The following AKNAD1 variants were observed in gnomAD, a reference collection of about 807,000 sequenced individuals.
AKNAD1 encodes the protein protein AKNAD1.
AKNAD1 carries 67 observed loss-of-function variants against 90.8 expected under a neutral mutation model. The ratio of observed to expected loss-of-function variants is 0.74; its 90% confidence interval spans 0.61 to 0.90. The LOEUF is 0.90. Ranked by LOEUF, AKNAD1 falls within the 40% of genes least tolerant of loss-of-function variation. AKNAD1 has a pLI of 0.00. For synonymous variants in AKNAD1, 327 were observed against 341.4 expected (o/e 0.96, Z 0.46); for missense variants, 957 against 975.4 (o/e 0.98, Z 0.25).
chr1:108,853,433 A>ATT (rs955252431), intron 1 of AKNAD1, among the ~76,000 whole-genome samples: 1 of 146,088 alleles, frequency 6.8e-6, no homozygotes, highest in Non-Finnish European at 1.5e-5. Flanking sequence ...GCCCGGCCTG[A>ATT]TTTTTTTTTT....
intron 13 of AKNAD1, among the ~76,000 whole-genome samples, chr1:108,822,135 T>C (rs1013491503): frequency 7.9e-5 from 12 of 152,028 alleles, no homozygotes; most frequent in African/African-American, 2.9e-4. Context: ...AACTCAGAGT[T>C]AGAAAGCACC....
intron 7 of AKNAD1, 78 bp downstream of exon 7, chr1:108,837,472 A>C (rs1399502516): frequency 1.5e-6 from 2 of 1,319,834 alleles, no homozygotes; most frequent in East Asian, 4.7e-5. Flanking sequence ...AATTCAGTGA[A>C]TCCATGAATT....
chr1:108,848,441 G>A (rs1186986961), intron 5 of AKNAD1, among the ~76,000 whole-genome samples: 1 of 152,104 alleles, frequency 6.6e-6, no homozygotes, highest in Admixed American at 6.5e-5. Context: ...ATCAACTGCG[G>A]ACAGGCCCAC....
intron 7 of AKNAD1, chr1:108,837,279 T>G (rs1664414950): frequency 3.2e-6 from 1 of 315,470 alleles, no homozygotes; most frequent in Admixed American, 4.5e-5. Context: ...TCTTATTAAT[T>G]TGGAAGAAAT....
intron 14 of AKNAD1, among the ~76,000 whole-genome samples, chr1:108,818,054 G>A (rs1663678435): frequency 6.6e-6 from 1 of 152,164 alleles, no homozygotes; most frequent in South Asian, 2.1e-4. Context: ...AGGGCCACTG[G>A]GCTGTTAAGG....
chr1:108,837,960 T>C (rs543667131), intron 6 of AKNAD1, among the ~76,000 whole-genome samples: 4 of 152,332 alleles, frequency 2.6e-5, no homozygotes, highest in South Asian at 2.1e-4. Flanking sequence ...GTCTCACTTA[T>C]AACCTGGGAT....
At chr1:108,841,109 G>T (rs1365829579) in intron 6 of AKNAD1, among the ~76,000 whole-genome samples, 3 of 152,018 alleles carry the variant, frequency 2.0e-5, no homozygotes, top group Admixed American at 6.6e-5. Context: ...GGAGGTGGAG[G>T]TTGCAGTGAG....
chr1:108,819,327 T>G (rs905542793), intron 14 of AKNAD1, among the ~76,000 whole-genome samples: 11 of 151,990 alleles, frequency 7.2e-5, no homozygotes, highest in Non-Finnish European at 1.3e-4. Flanking sequence ...TTAAAAAACT[T>G]AATTGGGTGG....
intron 13 of AKNAD1, among the ~76,000 whole-genome samples, 174 bp from the exon 14 acceptor site, chr1:108,820,800 G>A (rs1027387087): frequency 4.6e-5 from 7 of 152,138 alleles, no homozygotes; most frequent in African/African-American, 9.7e-5. Context: ...GGTGGCTCAC[G>A]CCTGTAATCC....
At chr1:108,847,583 C>T (rs1476559861) in intron 5 of AKNAD1, among the ~76,000 whole-genome samples, 1 of 152,054 alleles carries the variant, frequency 6.6e-6, no homozygotes, top group Non-Finnish European at 1.5e-5. Context: ...CCACGTGCTC[C>T]CAAGTGCTGT....
chr1:108,830,043 G>C (rs1664135839), intron 10 of AKNAD1, among the ~76,000 whole-genome samples: 1 of 152,140 alleles, frequency 6.6e-6, no homozygotes, highest in Non-Finnish European at 1.5e-5. Context: ...CTGAGAAGAG[G>C]GATGAGGCTT....
At chr1:108,852,888 G>GTT in intron 1 of AKNAD1, 121 bp from the exon 2 acceptor site, 2 of 376,074 alleles carry the variant, frequency 5.3e-6, no homozygotes, top group South Asian at 1.4e-4. Context: ...AAGGCAGGAA[G>GTT]CTCAACCACA....
chr1:108,823,446 C>T lies in AKNAD1; in HGVS notation c.2091G>A (p.Gln697=), dbSNP rs763546055. ...CTCTTTTGCTATGATTTGAGTAATTCTGTCCTGGAGTGTTGTATCTATAAT... is the reference window on the plus strand; with the variant it reads ...CTCTTTTGCTATGATTTGAGTAATTTTGTCCTGGAGTGTTGTATCTATAAT... ...EFHYRYNTPG[Q]NYSNHSKRGA... is the part of the protein sequence containing the mutation. The change falls in exon 13 of 16, where the codon CAG becomes CAA. Residue 697 remains glutamine, a synonymous_variant. Coordinates refer to ENST00000370001, the MANE Select transcript of AKNAD1 (RefSeq NM_152763.5). 3.1e-6 allele frequency: 5 copies of T among 1,614,162 alleles called. No individual in the cohort carries two copies. The highest frequency in any genetic ancestry group is 4.2e-6 in the Non-Finnish European group (5 of 1,180,008).
chr1:108,832,208 GTTC>G (rs1664221722), intron 9 of AKNAD1, among the ~76,000 whole-genome samples: 2 of 123,458 alleles, frequency 1.6e-5, no homozygotes, highest in African/African-American at 6.5e-5. Context: ...GGTATGCTGT[GTTC>G]TTTTTTTTTT....
chr1:108,834,029 T>C (rs1664294573), intron 9 of AKNAD1, among the ~76,000 whole-genome samples: 1 of 152,182 alleles, frequency 6.6e-6, no homozygotes, highest in Admixed American at 6.5e-5. Flanking sequence ...AATCCCAGCA[T>C]TTCCAATTCA....
At position 108,820,546 on chromosome 1, in the gene AKNAD1, T is replaced by C; in HGVS notation, c.2248A>G (p.Lys750Glu). The C allele has an allele frequency of 6.3e-7, 1 of 1,584,380 alleles. No individual in the cohort carries two copies. The highest frequency in any genetic ancestry group is 8.7e-7 in the Non-Finnish European group (1 of 1,153,604). ...FKGEHEPTPG[K>E]KKLQAFMTYS... ...TACTGATAATGAAATAATACTTACT[T>C]TCCTGGTGTGGGCTCATGTTCACCT... The change falls in exon 14 of 16, where the codon AAA becomes GAA. Residue 750 changes from lysine to glutamate, a missense_variant and splice_region_variant. Physicochemically the swap from Lys to Glu is moderately conservative, Grantham distance 56. Coordinates refer to ENST00000370001, the MANE Select transcript of AKNAD1 (RefSeq NM_152763.5).
At position 108,851,704 on chromosome 1, in the gene AKNAD1, C is replaced by G. The variant is rs141526254; in HGVS notation, c.961G>C (p.Gly321Arg). The change falls in exon 2 of 16, where the codon GGG becomes CGG. Residue 321 changes from glycine (G) to arginine (R), a missense_variant. Transcript: ENST00000370001. ...CVEKQHQEQK[G>R]KITEPSQQIQ... ...TGTTGTGAAGGTTCAGTGATTTTCCCTTTCTGCTCTTGATGTTGTTTTTCA... is the reference window on the plus strand; with the variant it reads ...TGTTGTGAAGGTTCAGTGATTTTCCGTTTCTGCTCTTGATGTTGTTTTTCA... 7.8e-5 allele frequency: 124 copies of G among 1,598,758 alleles called. 1 individual carries two copies. The Middle Eastern group carries it at 1.2e-3, about 15-fold the overall frequency.
Position 108,816,294 on chromosome 1 carries a change from G to T in AKNAD1, c.2388C>A (p.Asn796Lys), listed in dbSNP as rs376900961. The change falls in exon 16 of 16, where the codon AAC (asparagine) becomes AAA (lysine). Residue 796 changes from asparagine (N) to lysine (K), a missense_variant. Asn to Lys is a moderately conservative substitution (Grantham distance 94). Transcript: ENST00000370001. ...STEEIKSEIL[N>K]SALDHALRTA... is the part of the protein sequence containing the mutation. ...TCCTTAGGGCATGATCCAAAGCCGA[G>T]TTTAAAATCTACAGAGGAAAAGTCC... The T allele has an allele frequency of 3.1e-6, 5 of 1,609,948 alleles. No homozygotes were observed. The Admixed American group carries it at 8.5e-5, about 27-fold the overall frequency.
In AKNAD1 at chr1:108,834,992, CCT is replaced by C. The variant is rs771760248; in HGVS notation, c.1599_1600del (p.Gly534AspfsTer16). ...CTCCTGCGGCCCTCCTTGGGGTGTC[CCT>C]GTTACCTCACTCCCACCTGAGCCTC... On this transcript the variant is annotated frameshift_variant, in exon 8 of 16. Transcript: ENST00000370001. LOFTEE classifies it high-confidence loss of function. 1.9e-6 allele frequency: 3 copies of C among 1,566,642 alleles called. No individual in the cohort carries two copies. The highest frequency in any genetic ancestry group is 2.6e-6 in the Non-Finnish European group (3 of 1,163,932).
Sources: gnomAD v4.1 joint callset for allele counts (sites outside exome capture counted in the v4.1 genomes callset) on GRCh38, gnomAD v4.1.1 for gene constraint, MANE v1.5 for transcripts, NCBI Gene and HGNC (gene_info 2026-07-23, HGNC 2026-07-21) for gene names.